Variants in PTPRT observed in about 807,000 individuals in gnomAD.
PTPRT encodes protein tyrosine phosphatase receptor type T.
A neutral mutation model predicts 176.8 loss-of-function variants in PTPRT; 56 were observed. The ratio of observed to expected loss-of-function variants is 0.32; its 90% CI spans 0.26 to 0.40. The LOEUF is 0.40. Among genes scored for constraint, PTPRT ranks in the 10% least tolerant of loss-of-function variants. PTPRT has a pLI of 1.00. For missense variants in PTPRT, 1,540 were observed against 1,908.2 expected, an observed-to-expected ratio of 0.81 and a Z score of 3.60; for synonymous variants, 783 against 739.0, an observed-to-expected ratio of 1.06 and a Z score of -0.96.
intron 16 of PTPRT, among the ~76,000 whole-genome samples, chr20:42,186,204 C>G (rs1197191218): frequency 2.0e-5 from 3 of 151,874 alleles, no homozygotes; most frequent in African/African-American, 4.8e-5. Context: ...ATATTTTAGG[C>G]TTTGTGGGCT....
At chr20:42,920,350 G>A (rs974900693) in intron 1 of PTPRT, among the ~76,000 whole-genome samples, 1 of 152,150 alleles carries the variant, frequency 6.6e-6, no homozygotes, top group Non-Finnish European at 1.5e-5. Context: ...CTGAAAAACT[G>A]TAGTATCAAA....
At chr20:42,521,800 T>C (rs1265537813) in intron 7 of PTPRT, among the ~76,000 whole-genome samples, 1 of 152,212 alleles carries the variant, frequency 6.6e-6, no homozygotes, top group Non-Finnish European at 1.5e-5. Flanking sequence ...ATCACTTTAT[T>C]TTATTCTGGC....
intron 1 of PTPRT, among the ~76,000 whole-genome samples, chr20:43,055,557 A>G (rs1289631551): frequency 6.6e-6 from 1 of 152,218 alleles, no homozygotes; most frequent in Non-Finnish European, 1.5e-5. Flanking sequence ...CTGCTCTAGC[A>G]AACAGAAATC....
chr20:42,446,106 T>C (rs2070727662), intron 9 of PTPRT, among the ~76,000 whole-genome samples: 1 of 152,174 alleles, frequency 6.6e-6, no homozygotes, highest in African/African-American at 2.4e-5. Context: ...GGAAAAAGTA[T>C]ATTACTCTCA....
intron 15 of PTPRT, among the ~76,000 whole-genome samples, chr20:42,225,737 C>T (rs1314316700): frequency 6.6e-6 from 1 of 152,192 alleles, no homozygotes; most frequent in African/African-American, 2.4e-5. Flanking sequence ...ACTACAAACC[C>T]CGCCTCCCGG....
At chr20:42,187,715 C>T (rs1238950639) in intron 16 of PTPRT, among the ~76,000 whole-genome samples, 4 of 152,216 alleles carry the variant, frequency 2.6e-5, no homozygotes, top group African/African-American at 9.6e-5. Flanking sequence ...TCTAATCCAT[C>T]AGCTCCTTCA....
At chr20:42,205,812 G>C (rs1370769105) in intron 15 of PTPRT, among the ~76,000 whole-genome samples, 3 of 152,088 alleles carry the variant, frequency 2.0e-5, no homozygotes, top group African/African-American at 7.2e-5. Flanking sequence ...CTCAGCCATA[G>C]GAAGTGGACC....
In PTPRT at chr20:42,374,312, T is replaced by C. The variant is rs147227775; in HGVS notation, c.1561-22027A>G. ...CAAGGGGAAACCTCATTAAATCAAG[T>C]GTCAAACGTAAAATAAATAAAGCCA... is the stretch of plus-strand genomic sequence containing the variant. On this transcript the variant is annotated intron_variant, in intron 9 of 30. Transcript: ENST00000373187. Among the ~76,000 whole-genome samples the C allele has an allele frequency of 1.8e-3, 270 of 152,280 alleles. 2 individuals are homozygous for C. The highest frequency in any genetic ancestry group is 2.5e-3 in the Non-Finnish European group (169 of 68,028).
At chr20:42,386,687 C>A (rs909619524) in intron 9 of PTPRT, among the ~76,000 whole-genome samples, 2 of 152,000 alleles carry the variant, frequency 1.3e-5, no homozygotes, top group African/African-American at 4.8e-5. Context: ...ATGGTGAAAC[C>A]CTGTCTCTAC....
chr20:42,070,736 C>G (rs1982287517), downstream of PTPRT, among the ~76,000 whole-genome samples: 1 of 152,044 alleles, frequency 6.6e-6, no homozygotes, highest in African/African-American at 2.4e-5. Context: ...TAACAGGTAC[C>G]TTTGAGAAGT....
At chr20:42,509,468 T>G (rs1205301904) in intron 7 of PTPRT, among the ~76,000 whole-genome samples, 1 of 125,658 alleles carries the variant, frequency 8.0e-6, no homozygotes, top group Non-Finnish European at 1.6e-5. Flanking sequence ...AGATATAAAT[T>G]ATATAATTTA....
intron 2 of PTPRT, among the ~76,000 whole-genome samples, chr20:42,815,420 A>C (rs2077766196): frequency 6.6e-6 from 1 of 152,198 alleles, no homozygotes; most frequent in Admixed American, 6.5e-5. Flanking sequence ...CAAAGCTCAA[A>C]CCATGGTGAA....
At chr20:42,475,294 G>T (rs544346737) in intron 7 of PTPRT, among the ~76,000 whole-genome samples, 10 of 152,310 alleles carry the variant, frequency 6.6e-5, no homozygotes, top group Non-Finnish European at 1.2e-4. Flanking sequence ...TTTTGAACTT[G>T]TGTCTGCCTG....
At chr20:42,610,979 C>T (rs1449925909) in intron 7 of PTPRT, among the ~76,000 whole-genome samples, 1 of 152,176 alleles carries the variant, frequency 6.6e-6, no homozygotes, top group Admixed American at 6.5e-5. Context: ...CAAGGTTTGT[C>T]TATGTTGCAG....
At chr20:42,784,521 A>G (rs1044914999) in intron 3 of PTPRT, among the ~76,000 whole-genome samples, 1 of 152,122 alleles carries the variant, frequency 6.6e-6, no homozygotes, top group African/African-American at 2.4e-5. Context: ...CTTAGTGGAG[A>G]GAAGTGGGAT....
At chr20:42,156,263 T>C (rs1021600860) in intron 17 of PTPRT, among the ~76,000 whole-genome samples, 8 of 152,348 alleles carry the variant, frequency 5.3e-5, no homozygotes, top group Non-Finnish European at 5.9e-5. Flanking sequence ...TATGGTGGCA[T>C]TTTTTGGCTC....
chr20:43,046,320 C>A (rs1986836267), intron 1 of PTPRT, among the ~76,000 whole-genome samples: 1 of 152,050 alleles, frequency 6.6e-6, no homozygotes, highest in African/African-American at 2.4e-5. Context: ...ACCTGTAATC[C>A]CAGCACTTTG....
chr20:42,141,476 C>T (rs1384912821), intron 18 of PTPRT, among the ~76,000 whole-genome samples: 5 of 152,218 alleles, frequency 3.3e-5, no homozygotes, highest in Non-Finnish European at 7.3e-5. Flanking sequence ...GGCCCATGCT[C>T]CTCACCCCAG....
intron 6 of PTPRT, among the ~76,000 whole-genome samples, chr20:42,707,023 A>G (rs2076070599): frequency 6.6e-6 from 1 of 152,206 alleles, no homozygotes; most frequent in African/African-American, 2.4e-5. Context: ...CGAGGATGCC[A>G]AAGATTGCCA....
Sources: gnomAD v4.1 joint callset for allele counts (sites outside exome capture counted in the v4.1 genomes callset) on GRCh38, gnomAD v4.1.1 for gene constraint, MANE v1.5 for transcripts, NCBI Gene and HGNC (gene_info 2026-07-23, HGNC 2026-07-21) for gene names.